Variants in KMT2C observed in about 807,000 individuals in gnomAD.
The protein encoded by KMT2C is lysine methyltransferase 2C, also known as histone-lysine N-methyltransferase 2C.
In KMT2C, 88 loss-of-function variants were observed where a neutral mutation model predicts 507.9. The observed-to-expected ratio is 0.17, with a 90% CI of 0.15 to 0.21. KMT2C has a LOEUF of 0.21. KMT2C is among the 10% of genes least tolerant of loss of function. The probability of loss-of-function intolerance (pLI) is 1.00; values close to 1 mark genes in which losing one functional copy is unlikely to be tolerated. For missense variants in KMT2C, 4,954 were observed against 5,957.8 expected (o/e 0.83, Z 5.55); for synonymous variants, 2,049 against 2,080.8 (o/e 0.98, Z 0.42).
chr7:152,375,461 A>G (rs2097321949), intron 1 of KMT2C, among the ~76,000 whole-genome samples: 1 of 151,308 alleles, frequency 6.6e-6, no homozygotes, highest in Admixed American at 6.6e-5. Context: ...TCTTGGCTCA[A>G]TGAAACCTCT....
intron 2 of KMT2C, among the ~76,000 whole-genome samples, chr7:152,350,604 C>CA (rs369960983): frequency 3.3e-5 from 5 of 152,030 alleles, no homozygotes; most frequent in Non-Finnish European, 7.4e-5. Flanking sequence ...TGTAAAAACA[C>CA]AAAAAATGGT....
chr7:152,273,917 T>G (rs1371332924), intron 6 of KMT2C, 50 bp from the exon 7 acceptor site: 1 of 1,596,068 alleles, frequency 6.3e-7, no homozygotes, highest in Non-Finnish European at 8.6e-7. Context: ...TGAAAAGGAA[T>G]ATTCAAATAT....
Position 152,135,511 on chromosome 7 carries a change from C to CT in KMT2C, c.*1320dup, listed in dbSNP as rs112800369. ...GCAGCTGTAAGCATAATCACATCTC[C>CT]TTTTTTTTTTTAACTTTTTCAAATT... On this transcript the variant is annotated 3_prime_UTR_variant, in exon 59 of 59. Coordinates refer to ENST00000262189, the MANE Select transcript of KMT2C (RefSeq NM_170606.3). 0.01 allele frequency: 2,073 copies of CT among 197,588 alleles called. No homozygotes were observed. The highest frequency in any genetic ancestry group is 0.025 in the Middle Eastern group (14 of 564). The allele number at this position is 197,588 out of a possible 1,614,324, so 12.2% of individuals were successfully genotyped here. A position where few individuals can be genotyped will look rare whatever the true frequency, so the allele number is the denominator to read the frequency against.
At chr7:152,256,509 T>C (rs1407255163) in intron 9 of KMT2C, among the ~76,000 whole-genome samples, 2 of 151,982 alleles carry the variant, frequency 1.3e-5, no homozygotes, top group Non-Finnish European at 2.9e-5. Flanking sequence ...CAGTGAACTA[T>C]GACCATACCA....
chr7:152,362,868 C>A (rs2097207764), intron 1 of KMT2C, among the ~76,000 whole-genome samples: 1 of 152,114 alleles, frequency 6.6e-6, no homozygotes, highest in South Asian at 2.1e-4. Flanking sequence ...GATTTCTATT[C>A]TTGGTTTTGG....
At chr7:152,286,929 A>G (rs2096309494) in intron 6 of KMT2C, among the ~76,000 whole-genome samples, 2 of 152,306 alleles carry the variant, frequency 1.3e-5, no homozygotes, top group East Asian at 3.9e-4. Context: ...AAGACAAAAA[A>G]CTCATAGACA....
intron 52 of KMT2C, among the ~76,000 whole-genome samples, chr7:152,147,657 A>AGATCGC (rs1051506796): frequency 2.0e-5 from 3 of 148,332 alleles, no homozygotes; most frequent in Non-Finnish European, 3.0e-5. Flanking sequence ...CAGGGAACTG[A>AGATCGC]GATCGCGCCA....
At chr7:152,399,040 G>A (rs1001531868) in intron 1 of KMT2C, among the ~76,000 whole-genome samples, 1 of 151,928 alleles carries the variant, frequency 6.6e-6, no homozygotes, top group Admixed American at 6.6e-5. Flanking sequence ...TGTTGCCCAG[G>A]CTGGTCTCCA....
chr7:152,335,478 C>A (rs2096925552), intron 2 of KMT2C, among the ~76,000 whole-genome samples: 1 of 152,138 alleles, frequency 6.6e-6, no homozygotes, highest in Non-Finnish European at 1.5e-5. Context: ...GGTCGCAAAT[C>A]ATTACATTAC....
At chr7:152,166,166 A>T (rs2092718664) in intron 42 of KMT2C, among the ~76,000 whole-genome samples, 1 of 142,136 alleles carries the variant, frequency 7.0e-6, no homozygotes, top group Non-Finnish European at 1.5e-5. Context: ...CTTTGTCGCC[A>T]GGCTGGAGTA....
intron 6 of KMT2C, among the ~76,000 whole-genome samples, chr7:152,305,551 A>C (rs992743319): frequency 2.0e-5 from 3 of 151,950 alleles, no homozygotes; most frequent in African/African-American, 7.3e-5. Context: ...GTTAGCAAGG[A>C]ATCTTTTTTT....
At chr7:152,163,898 C>T in intron 42 of KMT2C, 72 bp from the exon 43 acceptor site, 1 of 1,464,540 alleles carries the variant, frequency 6.8e-7, no homozygotes, top group Non-Finnish European at 9.5e-7. Flanking sequence ...TGGCTGATGA[C>T]TGTGGTTGAG....
intron 1 of KMT2C, among the ~76,000 whole-genome samples, chr7:152,419,210 G>A (rs2097764202): frequency 6.6e-6 from 1 of 152,058 alleles, no homozygotes; most frequent in Non-Finnish European, 1.5e-5. Flanking sequence ...AATTAGCCGG[G>A]CATGGTGGCA....
At chr7:152,233,062 G>A (rs2095171352) in intron 16 of KMT2C, among the ~76,000 whole-genome samples, 1 of 152,114 alleles carries the variant, frequency 6.6e-6, no homozygotes, top group South Asian at 2.1e-4. Flanking sequence ...AACAAAGTCT[G>A]CAGTAGAAAA....
chr7:152,339,971 C>A (rs1039409574), intron 2 of KMT2C, among the ~76,000 whole-genome samples: 1 of 151,816 alleles, frequency 6.6e-6, no homozygotes, highest in African/African-American at 2.4e-5. Flanking sequence ...ATGCCTTCTC[C>A]CTCTATGCTT....
chr7:152,284,803 TA>T (rs2096270091), intron 6 of KMT2C, among the ~76,000 whole-genome samples: 1 of 151,992 alleles, frequency 6.6e-6, no homozygotes, highest in East Asian at 1.9e-4. Context: ...AAAAAAGACA[TA>T]AAAAGAGGCT....
chr7:152,206,888 G>T (rs1487867187), intron 24 of KMT2C, among the ~76,000 whole-genome samples: 1 of 151,980 alleles, frequency 6.6e-6, no homozygotes, highest in Non-Finnish European at 1.5e-5. Context: ...ATACTTACTG[G>T]CACTCCTGCA....
At chr7:152,404,631 C>A (rs146418451) in intron 1 of KMT2C, among the ~76,000 whole-genome samples, 2,387 of 66,120 alleles carry the variant, frequency 0.036, no homozygotes, top group African/African-American at 0.071. Flanking sequence ...ACTCAGGTCT[C>A]AAAAAAAAAA....
At position 152,162,103 on chromosome 7, in the gene KMT2C, T is replaced by A; in HGVS notation, c.11460+14A>T. The A allele has an allele frequency of 6.7e-7, 1 of 1,501,692 alleles. No homozygotes were observed. 93.0% of individuals were successfully genotyped at this position (1,501,692 alleles called of 1,614,324 possible). ...CAAAAGAAAAAAGTTGTCGTTTTTA[T>A]GATTTACACTTACCAGTCCTTCAGC... On this transcript the variant is annotated intron_variant, in intron 43 of 58. Coordinates refer to ENST00000262189, the MANE Select transcript of KMT2C (RefSeq NM_170606.3).
Sources: gnomAD v4.1 joint callset for allele counts (sites outside exome capture counted in the v4.1 genomes callset) on GRCh38, gnomAD v4.1.1 for gene constraint, MANE v1.5 for transcripts, NCBI Gene and HGNC (gene_info 2026-07-23, HGNC 2026-07-21) for gene names.